The following CMSS1 variants were observed in gnomAD, a reference collection of about 807,000 sequenced individuals.
The protein encoded by CMSS1 is cms1 ribosomal small subunit homolog, also known as protein CMSS1.
In CMSS1, 33 loss-of-function variants were observed where a neutral mutation model predicts 43.5. The ratio of observed to expected loss-of-function variants is 0.76; its 90% CI spans 0.57 to 1.01. The LOEUF (loss-of-function observed/expected upper bound fraction) is 1.01. CMSS1 is among the 50% of genes least tolerant of loss of function. CMSS1 has a pLI of 0.00. For missense variants in CMSS1, 313 were observed against 326.4 expected (o/e 0.96, Z 0.32); for synonymous variants, 115 against 117.2 (o/e 0.98, Z 0.12).
intron 1 of CMSS1, among the ~76,000 whole-genome samples, chr3:99,928,597 A>G (rs543321822): frequency 6.6e-6 from 1 of 152,330 alleles, no homozygotes; most frequent in African/African-American, 2.4e-5. Flanking sequence ...TTATTTTGTA[A>G]TTAAATTTTT....
In CMSS1 at chr3:100,063,296, A is replaced by G. The variant is rs7639304; in HGVS notation, c.65-83677A>G. On this transcript the variant is annotated intron_variant, in intron 1 of 9. Coordinates refer to ENST00000421999, the MANE Select transcript of CMSS1 (RefSeq NM_032359.4). The stretch of plus-strand genomic sequence containing the variant: ...CTCAGTTTAGAAATAAAATTTTAAC[A>G]GAAAATTTAAAAATTGGTTCCACAC... 4.5e-3 allele frequency among the ~76,000 whole-genome samples: 686 copies of G among 152,324 alleles called. 7 individuals carry two copies. Among genetic ancestry groups the G allele is most frequent in the African/African-American group, 0.016 (672 of 41,576 alleles).
chr3:100,026,804 T>C (rs949592471), intron 1 of CMSS1, among the ~76,000 whole-genome samples: 21 of 152,106 alleles, frequency 1.4e-4, no homozygotes, highest in Non-Finnish European at 2.6e-4. Flanking sequence ...GTCTCACTGC[T>C]TCCATTCTTT....
intron 1 of CMSS1, chr3:99,850,019 C>G (rs769449136): frequency 1.9e-5 from 30 of 1,607,734 alleles, no homozygotes; most frequent in Non-Finnish European, 2.1e-5. Flanking sequence ...TTTTCTTCTA[C>G]ATCGGTTTTG....
At chr3:99,845,934 G>A (rs1943344111) in intron 1 of CMSS1, among the ~76,000 whole-genome samples, 1 of 152,166 alleles carries the variant, frequency 6.6e-6, no homozygotes, top group African/African-American at 2.4e-5. Context: ...TACTTAGGAA[G>A]CCTCTATATA....
chr3:99,981,369 C>G (rs753410313), intron 1 of CMSS1, among the ~76,000 whole-genome samples: 1 of 152,198 alleles, frequency 6.6e-6, no homozygotes, highest in Non-Finnish European at 1.5e-5. Context: ...CTCCACCCAT[C>G]TGGCTTCTGT....
chr3:99,941,665 T>C (rs542629337), intron 1 of CMSS1, among the ~76,000 whole-genome samples: 15 of 152,354 alleles, frequency 9.8e-5, no homozygotes, highest in African/African-American at 3.6e-4. Flanking sequence ...ATATGGATCA[T>C]AGAATATCAG....
chr3:99,893,376 A>G (rs1458172244), intron 1 of CMSS1, among the ~76,000 whole-genome samples: 2 of 152,140 alleles, frequency 1.3e-5, no homozygotes, highest in African/African-American at 2.4e-5. Flanking sequence ...TGTATTAGCC[A>G]GAATGGTCTC....
chr3:99,904,968 T>C (rs1706564792), intron 1 of CMSS1, among the ~76,000 whole-genome samples: 1 of 152,128 alleles, frequency 6.6e-6, no homozygotes, highest in Non-Finnish European at 1.5e-5. Flanking sequence ...TCTGAAGAAA[T>C]TGTTCTCTCA....
chr3:99,823,925 CT>C (rs1288112808), intron 1 of CMSS1, among the ~76,000 whole-genome samples: 310 of 141,884 alleles, frequency 2.2e-3, no homozygotes, highest in Admixed American at 3.1e-3. Flanking sequence ...TTCTTTCTTT[CT>C]TTTTTTTTTT....
chr3:99,953,389 C>T (rs1262393597), intron 1 of CMSS1, among the ~76,000 whole-genome samples: 1 of 152,068 alleles, frequency 6.6e-6, no homozygotes, highest in East Asian at 1.9e-4. Flanking sequence ...CAATGAAATT[C>T]TAAGGAAGTG....
intron 2 of CMSS1, chr3:100,159,995 C>A: frequency 2.3e-6 from 1 of 444,250 alleles, no homozygotes; most frequent in Non-Finnish European, 4.5e-6. Context: ...AACAATAAAC[C>A]AGTGACTTGG....
At chr3:99,902,890 A>G (rs1213972414) in intron 1 of CMSS1, among the ~76,000 whole-genome samples, 1 of 152,216 alleles carries the variant, frequency 6.6e-6, no homozygotes, top group African/African-American at 2.4e-5. Context: ...AAAAAAATCT[A>G]TGAAAGTGAT....
At chr3:100,074,477 G>A (rs141642554) in intron 1 of CMSS1, among the ~76,000 whole-genome samples, 1 of 151,916 alleles carries the variant, frequency 6.6e-6, no homozygotes, top group East Asian at 1.9e-4. Context: ...ATTTTTCTCT[G>A]TGGATCTCTT....
At chr3:99,901,599 A>G (rs1576559274) in intron 1 of CMSS1, among the ~76,000 whole-genome samples, 1 of 152,228 alleles carries the variant, frequency 6.6e-6, no homozygotes, top group Non-Finnish European at 1.5e-5. Flanking sequence ...ATAATATTAC[A>G]TAGTTTACAC....
chr3:100,113,730 A>G (rs1559761835), intron 1 of CMSS1, among the ~76,000 whole-genome samples: 1 of 152,162 alleles, frequency 6.6e-6, no homozygotes, highest in Non-Finnish European at 1.5e-5. Context: ...ATTTATCCAA[A>G]CATACTTTTT....
At chr3:99,944,121 G>T (rs1282810184) in intron 1 of CMSS1, among the ~76,000 whole-genome samples, 1 of 152,188 alleles carries the variant, frequency 6.6e-6, no homozygotes, top group Non-Finnish European at 1.5e-5. Context: ...CATGAGGAGA[G>T]TACATTACTC....
chr3:100,171,839 G>A lies in CMSS1; in HGVS notation c.519G>A (p.Arg173=). 6.2e-7 allele frequency: 1 copy of A among 1,613,736 alleles called. No individual in the cohort carries two copies. The highest frequency in any genetic ancestry group is 8.5e-7 in the Non-Finnish European group (1 of 1,179,774). ...SSAVRALELI[R]SMTAFRGDGK... is the part of the protein sequence containing the mutation. Reference sequence around the variant, plus strand: ...GCATTCACCTGCTTCTTTTCATTAGGTCGATGACAGCATTCAGAGGAGACG... The same window carrying A: ...GCATTCACCTGCTTCTTTTCATTAGATCGATGACAGCATTCAGAGGAGACG... Residue 173 remains arginine (R), a splice_region_variant and synonymous_variant, in exon 7 of 10, where the codon AGG becomes AGA. Coordinates refer to ENST00000421999, the MANE Select transcript of CMSS1 (RefSeq NM_032359.4).
At chr3:100,153,537 A>G (rs1030368124) in intron 2 of CMSS1, among the ~76,000 whole-genome samples, 4 of 152,188 alleles carry the variant, frequency 2.6e-5, no homozygotes, top group Non-Finnish European at 5.9e-5. Flanking sequence ...TCACTTGCAG[A>G]TGGCCTTCTC....
At position 100,136,738 on chromosome 3, in the gene CMSS1, T is replaced by A. The variant is rs72936568; in HGVS notation, c.65-10235T>A. On this transcript the variant is annotated intron_variant, in intron 1 of 9. Transcript: ENST00000421999. ...GACAAGGATAAAGTGAGAACAGGCA[T>A]TCTGAATAATTAGAGTAAATGAGAG... Among the ~76,000 whole-genome samples, 861 of 152,326 alleles carry A rather than the reference T, an allele frequency of 5.7e-3. 9 individuals are homozygous for A. Among genetic ancestry groups the A allele is most frequent in the African/African-American group, 0.02 (815 of 41,582 alleles).
Sources: allele counts gnomAD v4.1 joint callset (sites outside exome capture counted in the v4.1 genomes callset), GRCh38; gene constraint gnomAD v4.1.1; transcripts MANE v1.5; gene names NCBI Gene and HGNC (gene_info 2026-07-23, HGNC 2026-07-21).